The following UTRN variants were observed in gnomAD, a reference collection of about 807,000 sequenced individuals.
The protein encoded by UTRN is dystrophin-related protein 1.
Under a neutral mutation model 463.9 loss-of-function variants are expected in UTRN, and 283 were observed. The ratio of observed to expected loss-of-function variants is 0.61; its 90% CI spans 0.55 to 0.67. UTRN has a LOEUF of 0.67. Ranked by LOEUF, UTRN falls within the 30% of genes least tolerant of loss-of-function variation. The pLI is 0.00. For missense variants in UTRN, 3,922 were observed against 4,084.3 expected, an observed-to-expected ratio of 0.96 and a Z score of 1.08; for synonymous variants, 1,442 against 1,431.5, an observed-to-expected ratio of 1.01 and a Z score of -0.17.
chr6:144,786,488 G>A (rs11754229), intron 61 of UTRN, among the ~76,000 whole-genome samples: 23,336 of 151,968 alleles, frequency 0.15, 2,373 homozygotes, highest in Admixed American at 0.34. Context: ...GTTTCACCAT[G>A]TTGGCCAGGA....
chr6:144,545,307 C>G (rs182518064), intron 46 of UTRN, among the ~76,000 whole-genome samples: 1 of 152,178 alleles, frequency 6.6e-6, no homozygotes, highest in Non-Finnish European at 1.5e-5. Context: ...TTCTTTTAAA[C>G]GAGTTTGATT....
intron 53 of UTRN, among the ~76,000 whole-genome samples, chr6:144,729,673 G>C (rs1341316256): frequency 6.6e-6 from 1 of 152,170 alleles, no homozygotes; most frequent in African/African-American, 2.4e-5. Flanking sequence ...ATAGGTGCAG[G>C]GGTGAAAGTT....
chr6:144,840,837 G>A lies in UTRN; in HGVS notation c.10270+5G>A. 1 of 1,613,858 alleles carries A rather than the reference G, an allele frequency of 6.2e-7. No homozygotes were observed. Among genetic ancestry groups the A allele is most frequent in the Non-Finnish European group, 8.5e-7 (1 of 1,179,944 alleles). On this transcript the variant is annotated splice_donor_5th_base_variant and intron_variant, in intron 73 of 74. Transcript: ENST00000367545. ...GCACGTTTCCATCTTGCTGCCGTGA[G>A]TATGAAAGATTGCAGCACCACAGCT...
chr6:144,774,187 A>G (rs758383508), intron 59 of UTRN, 103 bp from the exon 60 acceptor site: 1 of 1,140,120 alleles, frequency 8.8e-7, no homozygotes, highest in Non-Finnish European at 1.2e-6. Context: ...TTTCAGGCAA[A>G]CATAATATTT....
intron 69 of UTRN, among the ~76,000 whole-genome samples, chr6:144,830,055 CA>C (rs1780536451): frequency 6.6e-6 from 1 of 152,032 alleles, no homozygotes; most frequent in Non-Finnish European, 1.5e-5. Flanking sequence ...CAAATTTCCT[CA>C]AGGCTGACCA....
chr6:144,626,609 T>A (rs1460138054), intron 51 of UTRN, among the ~76,000 whole-genome samples: 6 of 152,234 alleles, frequency 3.9e-5, no homozygotes, highest in African/African-American at 1.2e-4. Flanking sequence ...AACACTGAGA[T>A]TGCTGCCTCT....
chr6:144,557,493 C>G (rs959342872), intron 50 of UTRN, among the ~76,000 whole-genome samples, 182 bp downstream of exon 50: 3 of 152,040 alleles, frequency 2.0e-5, no homozygotes, highest in African/African-American at 7.3e-5. Flanking sequence ...TATGCTTATA[C>G]AATATGTTTT....
intron 52 of UTRN, among the ~76,000 whole-genome samples, chr6:144,695,561 T>C (rs192650554): frequency 1.2e-4 from 18 of 152,342 alleles, no homozygotes; most frequent in Non-Finnish European, 2.6e-4. Context: ...GCCAGGCTGC[T>C]CTTGAACTCC....
At chr6:144,726,435 C>A (rs1279652390) in intron 53 of UTRN, among the ~76,000 whole-genome samples, 2 of 152,134 alleles carry the variant, frequency 1.3e-5, no homozygotes, top group African/African-American at 4.8e-5. Flanking sequence ...ACCACCTCCC[C>A]CAGGAAGCAT....
chr6:144,744,053 T>C (rs1240696752), intron 54 of UTRN, among the ~76,000 whole-genome samples: 1 of 149,106 alleles, frequency 6.7e-6, no homozygotes, highest in Non-Finnish European at 1.5e-5. Flanking sequence ...TTTGGGAGAC[T>C]GAGGTGGGAG....
rs12208806 is a variant in UTRN, at chr6:144,579,233, A to C, written c.7479+1945A>C. On this transcript the variant is annotated intron_variant, in intron 51 of 74. Coordinates refer to ENST00000367545, the MANE Select transcript of UTRN (RefSeq NM_007124.3). ...TTTTGAGCCTCATGAGGTCACTATA[A>C]ATGTTAATTGATAAAATATTTAGCC... is the stretch of plus-strand genomic sequence containing the variant. Among the ~76,000 whole-genome samples, 1,360 of 152,294 alleles carry C rather than the reference A, an allele frequency of 8.9e-3. 7 individuals are homozygous for C. The highest frequency in any genetic ancestry group is 0.024 in the Middle Eastern group (7 of 294).
In UTRN at chr6:144,797,401, C is replaced by T. The variant is rs536551436; in HGVS notation, c.9079-423C>T. Among the ~76,000 whole-genome samples the T allele has an allele frequency of 2.6e-5, 4 of 152,118 alleles. No homozygotes were observed. In the South Asian group the frequency reaches 8.3e-4, roughly 32 times the overall value. The stretch of plus-strand genomic sequence containing the variant: ...GTAGAGACGGGGTTTCACCGTGTTG[C>T]CTAGGCTGGTCTCAAACTCCTGAGC... On this transcript the variant is annotated intron_variant, in intron 63 of 74. Transcript: ENST00000367545.
rs41285041 is a variant in UTRN at position 144,797,805 on chromosome 6, A to G, written c.9079-19A>G. 219,042 of 1,608,828 alleles carry G rather than the reference A, an allele frequency of 0.14. 16,029 individuals carry two copies. Among genetic ancestry groups the G allele is most frequent in the South Asian group, 0.2 (17,889 of 90,780 alleles). On this transcript the variant is annotated intron_variant, in intron 63 of 74. Transcript: ENST00000367545. The stretch of plus-strand genomic sequence containing the variant: ...ATGAAGGCATTTCTTCACTTTTAAT[A>G]TATTTCTTTTTTCACCAGAATAACA...
At chr6:144,318,818 C>G (rs184690991) in intron 2 of UTRN, among the ~76,000 whole-genome samples, 1 of 152,154 alleles carries the variant, frequency 6.6e-6, no homozygotes, top group East Asian at 1.9e-4. Context: ...TACCTGTAAT[C>G]CCAGCACTTT....
In UTRN at chr6:144,401,589, C is replaced by T. The variant is rs79867497; in HGVS notation, c.80-1534C>T. 9.2e-5 allele frequency among the ~76,000 whole-genome samples: 14 copies of T among 152,284 alleles called. No homozygotes were observed. In the East Asian group the frequency reaches 2.5e-3, roughly 27 times the overall value. ...CATTAATATCAAGGAGTTTCTTAAA[C>T]AGCAGTTTTGTTTTCTATACCACTT... On this transcript the variant is annotated intron_variant, in intron 2 of 74. Coordinates refer to ENST00000367545, the MANE Select transcript of UTRN (RefSeq NM_007124.3).
intron 52 of UTRN, among the ~76,000 whole-genome samples, chr6:144,694,992 G>A (rs1783839265): frequency 6.8e-6 from 1 of 146,064 alleles, no homozygotes; most frequent in African/African-American, 2.5e-5. Flanking sequence ...TTTTTTGAGA[G>A]TGAGGCTATC....
At chr6:144,666,186 C>G (rs9390187) in intron 51 of UTRN, among the ~76,000 whole-genome samples, 1 of 152,058 alleles carries the variant, frequency 6.6e-6, no homozygotes, top group African/African-American at 2.4e-5. Context: ...GATCTGACAG[C>G]CTCCCATGCT....
intron 2 of UTRN, among the ~76,000 whole-genome samples, chr6:144,376,673 A>T (rs1032111303): frequency 1.3e-5 from 2 of 152,174 alleles, no homozygotes; most frequent in Non-Finnish European, 2.9e-5. Flanking sequence ...TATCCTAAAC[A>T]TTTATAGCAT....
chr6:144,586,367 C>T (rs946411875), intron 51 of UTRN, among the ~76,000 whole-genome samples: 2 of 152,050 alleles, frequency 1.3e-5, no homozygotes, highest in African/African-American at 2.4e-5. Context: ...AACGTAAGTG[C>T]TGCTTACTTG....
Sources: allele counts gnomAD v4.1 joint callset (sites outside exome capture counted in the v4.1 genomes callset), GRCh38; gene constraint gnomAD v4.1.1; transcripts MANE v1.5; gene names NCBI Gene and HGNC (gene_info 2026-07-23, HGNC 2026-07-21).